RIN2: variants seen among roughly 807,000 people sequenced by gnomAD.
RIN2 encodes Ras and Rab interactor 2.
In RIN2, 36 loss-of-function variants were observed where a neutral mutation model predicts 78.0. That is an observed-to-expected ratio of 0.46 (90% CI 0.35 to 0.61). The LOEUF is 0.61. Ranked by LOEUF, RIN2 falls within the 20% of genes least tolerant of loss-of-function variation. RIN2 has a pLI of 0.00. For missense variants in RIN2, 1,087 were observed against 1,159.7 expected, an observed-to-expected ratio of 0.94 and a Z score of 0.91; for synonymous variants, 466 against 466.8, an observed-to-expected ratio of 1.00 and a Z score of 0.02.
Position 19,964,997 on chromosome 20 carries a change from G to T in RIN2, c.509G>T (p.Arg170Leu), listed in dbSNP as rs369874324. The change falls in exon 7 of 13, where the codon CGG becomes CTG. Residue 170 changes from arginine to leucine, a missense_variant. Coordinates refer to ENST00000255006, the MANE Select transcript of RIN2 (RefSeq NM_018993.4). ...GGAATCAGTTTCGCAGATTTATTCC[G>T]GCTCATTGCTTTCTACTGCATCAGC... ...GSGISFADLF[R>L]LIAFYCISRD... 5.6e-6 allele frequency: 9 copies of T among 1,613,418 alleles called. No homozygotes were observed. The highest frequency in any genetic ancestry group is 1.1e-5 in the South Asian group (1 of 91,066).
intron 4 of RIN2, among the ~76,000 whole-genome samples, chr20:19,942,356 T>G (rs6112671): frequency 0.14 from 21,069 of 152,158 alleles, 1,749 homozygotes; most frequent in East Asian, 0.4. Context: ...CATTAACGAA[T>G]AAGAAGTGTA....
intron 2 of RIN2, among the ~76,000 whole-genome samples, chr20:19,870,024 C>A (rs976668480): frequency 1.3e-5 from 2 of 152,042 alleles, no homozygotes; most frequent in Non-Finnish European, 2.9e-5. Context: ...ACTATTTGCA[C>A]AGGTTCACTG....
chr20:19,796,086 G>GAA (rs144883717), intron 1 of RIN2, among the ~76,000 whole-genome samples: 1 of 123,222 alleles, frequency 8.1e-6, no homozygotes, highest in East Asian at 2.0e-4. Flanking sequence ...AAAGAGCAAA[G>GAA]AAAAAAAAGA....
chr20:19,764,348 A>AGTCAGATTGCG (rs2033775515), intron 1 of RIN2, among the ~76,000 whole-genome samples: 1 of 64,114 alleles, frequency 1.6e-5, no homozygotes, highest in Non-Finnish European at 4.1e-5. Flanking sequence ...GCAGCTGTGC[A>AGTCAGATTGCG]TGGAAACCTT....
chr20:19,930,313 C>T (rs1056429514), intron 3 of RIN2, among the ~76,000 whole-genome samples: 12 of 152,212 alleles, frequency 7.9e-5, no homozygotes, highest in South Asian at 2.1e-4. Flanking sequence ...ATGGGAGTGC[C>T]GCTAAGTGAC....
At chr20:19,930,288 G>A (rs1331132219) in intron 3 of RIN2, among the ~76,000 whole-genome samples, 2 of 152,234 alleles carry the variant, frequency 1.3e-5, no homozygotes, top group East Asian at 3.8e-4. Flanking sequence ...GGCATGGCAT[G>A]ATTGGTGACT....
Position 20,000,673 on chromosome 20 carries a change from G to A in RIN2, c.2425G>A (p.Val809Met), listed in dbSNP as rs2146439431. ...TGGTTGCACAGGAAAGACCCTCCTTGTGAGACCTTACATCACCACTGAGGA... is the reference window on the plus strand; with the variant it reads ...TGGTTGCACAGGAAAGACCCTCCTTATGAGACCTTACATCACCACTGAGGA... The part of the protein sequence containing the change: ...NSGCTGKTLL[V>M]RPYITTEDVC... Residue 809 changes from valine (V) to methionine (M), a missense_variant, in exon 13 of 13, where the codon GTG becomes ATG. Around this residue, in one of 8 missense-constraint regions of RIN2, gnomAD observed 160 missense variants for 179.4 expected, o/e 0.89. Transcript: ENST00000255006. 1 of 1,613,062 alleles carries A rather than the reference G, an allele frequency of 6.2e-7. No homozygotes were observed. The highest frequency in any genetic ancestry group is 1.1e-5 in the South Asian group (1 of 91,076).
At chr20:19,917,490 G>C (rs2039733573) in intron 3 of RIN2, among the ~76,000 whole-genome samples, 1 of 152,162 alleles carries the variant, frequency 6.6e-6, no homozygotes, top group Non-Finnish European at 1.5e-5. Context: ...AAAGTGTAAA[G>C]AAGAAAAGAG....
At chr20:19,958,861 T>C (rs2041642849) in intron 5 of RIN2, among the ~76,000 whole-genome samples, 1 of 151,502 alleles carries the variant, frequency 6.6e-6, no homozygotes, top group African/African-American at 2.4e-5. Context: ...AGACCAAGAC[T>C]CCATCTAAAA....
chr20:19,782,315 G>A (rs758150399), intron 1 of RIN2, among the ~76,000 whole-genome samples: 24 of 152,040 alleles, frequency 1.6e-4, no homozygotes, highest in African/African-American at 4.3e-4. Context: ...CTGTAATCCC[G>A]GCACTTTGGG....
intron 2 of RIN2, among the ~76,000 whole-genome samples, chr20:19,855,562 C>T (rs1420439430): frequency 3.3e-5 from 5 of 152,046 alleles, no homozygotes; most frequent in Non-Finnish European, 7.4e-5. Flanking sequence ...AACTTACAAC[C>T]CCTTCTGACC....
intron 3 of RIN2, among the ~76,000 whole-genome samples, chr20:19,918,800 T>C (rs1036857099): frequency 6.6e-6 from 1 of 151,674 alleles, no homozygotes; most frequent in African/African-American, 2.4e-5. Flanking sequence ...AAATACAAAA[T>C]GACATCTGGG....
chr20:19,926,530 A>C (rs2146079203), intron 3 of RIN2, among the ~76,000 whole-genome samples: 1 of 152,090 alleles, frequency 6.6e-6, no homozygotes, highest in Middle Eastern at 3.4e-3. Flanking sequence ...CCAACATGAG[A>C]GGTACCCACC....
chr20:19,903,018 A>G (rs6106153), intron 3 of RIN2, among the ~76,000 whole-genome samples: 55,093 of 151,780 alleles, frequency 0.36, 9,891 homozygotes, highest in Admixed American at 0.38. Flanking sequence ...GCATGAACTC[A>G]GGAGGCGGAG....
At chr20:19,879,761 T>A (rs765909549) in intron 2 of RIN2, among the ~76,000 whole-genome samples, 18 of 152,092 alleles carry the variant, frequency 1.2e-4, no homozygotes, top group Non-Finnish European at 2.2e-4. Flanking sequence ...GAATTCCAAT[T>A]TGTGCAAAAA....
At chr20:19,826,410 C>A (rs918545585) in intron 2 of RIN2, among the ~76,000 whole-genome samples, 1 of 152,194 alleles carries the variant, frequency 6.6e-6, no homozygotes, top group African/African-American at 2.4e-5. Context: ...CTCAAAGTCA[C>A]ACTCTTAGTG....
chr20:19,969,658 G>A (rs975939163), intron 7 of RIN2, among the ~76,000 whole-genome samples: 17 of 152,154 alleles, frequency 1.1e-4, no homozygotes, highest in African/African-American at 3.9e-4. Context: ...CGTCTGTTTC[G>A]TTCCCAGCCC....
At chr20:19,896,262 C>T (rs920220133) in intron 3 of RIN2, among the ~76,000 whole-genome samples, 3 of 152,004 alleles carry the variant, frequency 2.0e-5, no homozygotes, top group Admixed American at 6.6e-5. Context: ...GATCTTGGCT[C>T]GCGGCAGCCT....
intron 1 of RIN2, among the ~76,000 whole-genome samples, chr20:19,793,501 A>T (rs2034953398): frequency 6.6e-6 from 1 of 152,136 alleles, no homozygotes; most frequent in South Asian, 2.1e-4. Flanking sequence ...AGTACAATTA[A>T]TTTAAAGAAA....
Sources: gnomAD v4.1 joint callset for allele counts (sites outside exome capture counted in the v4.1 genomes callset) on GRCh38, gnomAD v4.1.1 for gene constraint, gnomAD v4.1.1 regional missense constraint, MANE v1.5 for transcripts, NCBI Gene and HGNC (gene_info 2026-07-23, HGNC 2026-07-21) for gene names.